Variants in YEATS4 observed in about 807,000 individuals in gnomAD.
The protein encoded by YEATS4 is YEATS domain containing 4.
A neutral mutation model predicts 30.1 loss-of-function variants in YEATS4; 17 were observed. That is an observed-to-expected ratio of 0.56 (90% CI 0.39 to 0.85). The LOEUF (loss-of-function observed/expected upper bound fraction) is 0.85, where lower values mean the gene tolerates loss of function less well. Ranked by LOEUF, YEATS4 falls within the 40% of genes least tolerant of loss-of-function variation. The pLI, the probability that YEATS4 is intolerant of heterozygous loss-of-function variation, is 0.00. For missense variants in YEATS4, 142 were observed against 268.3 expected, an observed-to-expected ratio of 0.53 and a Z score of 3.29; for synonymous variants, 85 against 87.5, an observed-to-expected ratio of 0.97 and a Z score of 0.16.
At chr12:69,411,784 G>A in the YEATS4 span, among the ~76,000 whole-genome samples, 13 of 152,312 alleles carry the variant, frequency 8.5e-5, no homozygotes, top group Middle Eastern at 6.8e-3. Context: ...AAACTGCCAG[G>A]GCAAACTCTC....
intron 2 of YEATS4, among the ~76,000 whole-genome samples, chr12:69,363,603 C>T (rs1225446755): frequency 6.6e-6 from 1 of 152,166 alleles, no homozygotes; most frequent in Non-Finnish European, 1.5e-5. Context: ...TCTGCTGTGT[C>T]ATCTGATTGC....
rs1222901975 is a variant in YEATS4 at position 69,388,129 on chromosome 12, C to T, written c.515-2018C>T. On this transcript the variant is annotated intron_variant, in intron 6 of 6. Coordinates refer to ENST00000247843, the MANE Select transcript of YEATS4 (RefSeq NM_006530.4). The stretch of plus-strand genomic sequence containing the variant: ...CTGGATGGAGTGCAGGGCGCGATCT[C>T]GGCTCACTGCAAGCTCCGCCTCCTG... 2.6e-5 allele frequency among the ~76,000 whole-genome samples: 4 copies of T among 151,576 alleles called. No homozygotes were observed. The South Asian group carries it at 6.2e-4, about 24-fold the overall frequency.
At chr12:69,363,141 C>T (rs1483574129) in intron 2 of YEATS4, among the ~76,000 whole-genome samples, 12 of 151,556 alleles carry the variant, frequency 7.9e-5, no homozygotes, top group Admixed American at 2.0e-4. Context: ...TACAGGCGCC[C>T]GCCACCACGC....
chr12:69,422,144 G>A, the YEATS4 span, among the ~76,000 whole-genome samples: 1 of 152,204 alleles, frequency 6.6e-6, no homozygotes, highest in African/African-American at 2.4e-5. Flanking sequence ...GAGGATGTGA[G>A]ATCCTTAGGG....
Position 69,381,305 on chromosome 12 carries a change from T to A in YEATS4, c.515-8842T>A, listed in dbSNP as rs564083992. 3.9e-5 allele frequency among the ~76,000 whole-genome samples: 6 copies of A among 152,344 alleles called. No homozygotes were observed. The East Asian group carries it at 1.2e-3, about 29-fold the overall frequency. On this transcript the variant is annotated intron_variant, in intron 6 of 6. Coordinates refer to ENST00000247843, the MANE Select transcript of YEATS4 (RefSeq NM_006530.4). ...TTCAGCGATATTTCTGTCATTTGCT[T>A]TTGAAAGAAGAGAAATATGGCTCTG...
intron 1 of YEATS4, among the ~76,000 whole-genome samples, chr12:69,360,452 G>A (rs635720): frequency 0.03 from 4,642 of 152,228 alleles, 244 homozygotes; most frequent in African/African-American, 0.11. Flanking sequence ...TCCAAGTGCG[G>A]TAACTGAGAC....
At chr12:69,412,153 C>A in the YEATS4 span, among the ~76,000 whole-genome samples, 1 of 152,156 alleles carries the variant, frequency 6.6e-6, no homozygotes, top group Non-Finnish European at 1.5e-5. Flanking sequence ...ATTTGTCCAG[C>A]AAATATTTAT....
Position 69,370,748 on chromosome 12 carries a change from A to G in YEATS4, c.376A>G (p.Asn126Asp), listed in dbSNP as rs1223639552. Residue 126 changes from asparagine (N) to aspartate (D), a missense_variant, in exon 5 of 7, where the codon AAT becomes GAT. Coordinates refer to ENST00000247843, the MANE Select transcript of YEATS4 (RefSeq NM_006530.4). ...HLLKLFQSDTNAMLGKKTVVS... is the reference protein window; with the variant it reads ...HLLKLFQSDTDAMLGKKTVVS... The stretch of plus-strand genomic sequence containing the variant: ...GCTAAAGCTGTTTCAATCAGACACC[A>G]ATGCAATGCTGGGGAAAAAGACAGT... 1 of 1,594,638 alleles carries G rather than the reference A, an allele frequency of 6.3e-7. No individual in the cohort carries two copies. Among genetic ancestry groups the G allele is most frequent in the Non-Finnish European group, 8.5e-7 (1 of 1,174,120 alleles).
In YEATS4 at chr12:69,390,168, C is replaced by G. The variant is rs1178681133; in HGVS notation, c.536C>G (p.Thr179Ser). 1.9e-6 allele frequency: 3 copies of G among 1,583,938 alleles called. No individual in the cohort carries two copies. The East Asian group carries it at 6.8e-5, about 36-fold the overall frequency. The change falls in exon 7 of 7, where the codon ACC becomes AGC. Residue 179 changes from threonine (T) to serine (S), a missense_variant. This residue lies in a region of YEATS4 where 53 missense variants were observed against 68.6 expected (regional missense o/e 0.77). Transcript: ENST00000247843. The part of the protein sequence containing the change: ...ETEFAELEVK[T>S]REKLEAAKKK... ...TTAGTTGCAGAGCTTGAAGTGAAAACCAGAGAAAAATTAGAAGCTGCTAAG... is the reference window on the plus strand; with the variant it reads ...TTAGTTGCAGAGCTTGAAGTGAAAAGCAGAGAAAAATTAGAAGCTGCTAAG...
chr12:69,390,091 C>CTTA, intron 6 of YEATS4, 56 bp from the exon 7 acceptor site: 1 of 1,393,824 alleles, frequency 7.2e-7, no homozygotes, highest in Non-Finnish European at 9.7e-7. Context: ...ATTACCCTGT[C>CTTA]ATATATCTTA....
the YEATS4 span, among the ~76,000 whole-genome samples, chr12:69,408,636 A>G: frequency 4.6e-5 from 7 of 152,340 alleles, no homozygotes; most frequent in East Asian, 1.4e-3. Context: ...GGCACCTTCC[A>G]GAGAATTGTA....
At chr12:69,365,977 G>A in intron 4 of YEATS4, 93 bp downstream of exon 4, 1 of 923,012 alleles carries the variant, frequency 1.1e-6, no homozygotes, top group Non-Finnish European at 1.5e-6. Flanking sequence ...ATTCAGATGT[G>A]TTTTATGTAA....
At chr12:69,380,237 A>G (rs1876021448) in intron 6 of YEATS4, among the ~76,000 whole-genome samples, 1 of 152,226 alleles carries the variant, frequency 6.6e-6, no homozygotes, top group African/African-American at 2.4e-5. Context: ...GTCCTTGGGC[A>G]GGCTTTCCAG....
At chr12:69,400,024 G>A in the YEATS4 span, among the ~76,000 whole-genome samples, 1 of 152,088 alleles carries the variant, frequency 6.6e-6, no homozygotes, top group Non-Finnish European at 1.5e-5. Context: ...ACGTGGCGGT[G>A]ATGGAAAAGT....
At position 69,390,796 on chromosome 12, in the gene YEATS4, A is replaced by G. The variant is rs1487325899; in HGVS notation, c.*480A>G. The stretch of plus-strand genomic sequence containing the variant: ...TCAATAAATGTAGTTTACAGATCCT[A>G]TTTCTCCCTCCTGATGTGTTTCTTC... On this transcript the variant is annotated 3_prime_UTR_variant, in exon 7 of 7. Transcript: ENST00000247843. The G allele has an allele frequency of 2.6e-5, 4 of 152,216 alleles. No individual in the cohort carries two copies. Among genetic ancestry groups the G allele is most frequent in the Admixed American group, 2.0e-4 (3 of 15,278 alleles). 9.4% of individuals were successfully genotyped at this position (152,216 alleles called of 1,614,324 possible). A position where few individuals can be genotyped will look rare whatever the true frequency, so the allele number is the denominator to read the frequency against.
At chr12:69,409,419 C>CCAA in the YEATS4 span, among the ~76,000 whole-genome samples, 1 of 152,100 alleles carries the variant, frequency 6.6e-6, no homozygotes, top group East Asian at 1.9e-4. Context: ...GAGTTGGAGA[C>CCAA]CAGCCTGGCC....
intron 6 of YEATS4, among the ~76,000 whole-genome samples, chr12:69,382,606 T>C (rs1876123689): frequency 6.6e-6 from 1 of 152,150 alleles, no homozygotes; most frequent in Non-Finnish European, 1.5e-5. Context: ...TGGGCTCCTC[T>C]TGGCCTAGGT....
At chr12:69,363,591 G>T (rs773665858) in intron 2 of YEATS4, among the ~76,000 whole-genome samples, 16 of 152,208 alleles carry the variant, frequency 1.1e-4, no homozygotes, top group Non-Finnish European at 2.2e-4. Flanking sequence ...GTGAAAGACA[G>T]CTCTGCTGTG....
At chr12:69,386,670 C>A (rs1044684326) in intron 6 of YEATS4, among the ~76,000 whole-genome samples, 3 of 152,044 alleles carry the variant, frequency 2.0e-5, no homozygotes, top group Non-Finnish European at 4.4e-5. Flanking sequence ...TAGGGGAATA[C>A]AAATTTCTGC....
Sources: allele counts gnomAD v4.1 joint callset (sites outside exome capture counted in the v4.1 genomes callset), GRCh38; gene constraint gnomAD v4.1.1; regional missense constraint gnomAD v4.1.1; transcripts MANE v1.5; gene names NCBI Gene and HGNC (gene_info 2026-07-23, HGNC 2026-07-21).